Variants in BNC2 observed in about 807,000 individuals in gnomAD.
BNC2 encodes the protein basonuclin zinc finger protein 2.
BNC2 carries 20 observed loss-of-function variants against 76.3 expected under a neutral mutation model. That is an observed-to-expected ratio of 0.26 (90% CI 0.18 to 0.38). The LOEUF (loss-of-function observed/expected upper bound fraction) is 0.38, where lower values mean the gene tolerates loss of function less well. Among genes scored for constraint, BNC2 ranks in the 10% least tolerant of loss-of-function variants. The probability of loss-of-function intolerance (pLI) is 1.00; values close to 1 mark genes in which losing one functional copy is unlikely to be tolerated. For missense variants in BNC2, 1,382 were observed against 1,399.8 expected, an observed-to-expected ratio of 0.99 and a Z score of 0.20; for synonymous variants, 582 against 514.8, an observed-to-expected ratio of 1.13 and a Z score of -1.77.
In BNC2 at chr9:16,811,230, CA is replaced by C. The variant is rs58068661; in HGVS notation, c.3+59415del. ...AGAGCGAGACTTCGTCTCAAAAGAC[CA>C]AAAAAAAAAAAAACCAAAAAAACCA... On this transcript the variant is annotated intron_variant, in intron 1 of 6. Transcript: ENST00000380672. Among the ~76,000 whole-genome samples, 27 of 97,536 alleles carry C rather than the reference CA, an allele frequency of 2.8e-4. 1 individual carries two copies. The highest frequency in any genetic ancestry group is 3.5e-4 in the Non-Finnish European group (16 of 46,218). 64.0% of individuals were successfully genotyped at this position (97,536 alleles called of 152,430 possible). A position where few individuals can be genotyped will look rare whatever the true frequency, so the allele number is the denominator to read the frequency against.
chr9:16,844,148 T>TA (rs1818905018), intron 1 of BNC2, among the ~76,000 whole-genome samples: 1 of 151,674 alleles, frequency 6.6e-6, no homozygotes, highest in South Asian at 2.1e-4. Context: ...TCATAAGTTT[T>TA]TTTTTTTACG....
At chr9:16,826,366 G>C (rs906165371) in intron 1 of BNC2, among the ~76,000 whole-genome samples, 11 of 151,894 alleles carry the variant, frequency 7.2e-5, no homozygotes, top group Non-Finnish European at 1.5e-4. Context: ...CTGTCAGACT[G>C]TAACAAAAAC....
At chr9:16,634,193 A>C (rs921668072) in intron 3 of BNC2, among the ~76,000 whole-genome samples, 1 of 152,234 alleles carries the variant, frequency 6.6e-6, no homozygotes, top group Non-Finnish European at 1.5e-5. Context: ...GGACTTAGGT[A>C]TGCTATAGAA....
chr9:16,746,623 C>T lies in BNC2; in HGVS notation c.4-8138G>A, dbSNP rs549889686. Among the ~76,000 whole-genome samples the T allele has an allele frequency of 5.9e-5, 9 of 151,540 alleles. No homozygotes were observed. The East Asian group carries it at 1.6e-3, about 28-fold the overall frequency. ...CAAATGATCTGCCCTCCTCAGCCTCCCAAAGTGCTGGGATTGCAGGCGTGA... is the reference window on the plus strand; with the variant it reads ...CAAATGATCTGCCCTCCTCAGCCTCTCAAAGTGCTGGGATTGCAGGCGTGA... On this transcript the variant is annotated intron_variant, in intron 1 of 6. Coordinates refer to ENST00000380672, the MANE Select transcript of BNC2 (RefSeq NM_017637.6).
intron 5 of BNC2, among the ~76,000 whole-genome samples, chr9:16,542,875 C>T (rs1436969039): frequency 6.6e-6 from 1 of 152,146 alleles, no homozygotes; most frequent in Admixed American, 6.6e-5. Flanking sequence ...TTCTACTTTT[C>T]ACAGCCCTTC....
chr9:16,642,015 C>T (rs1821504313), intron 3 of BNC2, among the ~76,000 whole-genome samples: 1 of 152,106 alleles, frequency 6.6e-6, no homozygotes, highest in African/African-American at 2.4e-5. Context: ...CAGTAAACAC[C>T]CAATGCAGCA....
chr9:16,410,268 G>A lies in BNC2; in HGVS notation c.*8721C>T, dbSNP rs889013608. 6.6e-6 allele frequency: 1 copy of A among 152,270 alleles called. No individual in the cohort carries two copies. Among genetic ancestry groups the A allele is most frequent in the Non-Finnish European group, 1.5e-5 (1 of 68,100 alleles). 9.4% of individuals were successfully genotyped at this position (152,270 alleles called of 1,614,324 possible). On this transcript the variant is annotated 3_prime_UTR_variant, in exon 7 of 7. Coordinates refer to ENST00000380672, the MANE Select transcript of BNC2 (RefSeq NM_017637.6). ...GGACTTCATGGAAGAAGCCAGGCAA[G>A]GTGTGAGGGGAGAGGGGAAATGGGC...
chr9:16,864,058 T>A (rs1819477219), intron 1 of BNC2, among the ~76,000 whole-genome samples: 1 of 152,190 alleles, frequency 6.6e-6, no homozygotes. Flanking sequence ...TATTTTCCAA[T>A]ACAAAATTTA....
At chr9:16,496,779 A>G (rs1822399960) in intron 5 of BNC2, among the ~76,000 whole-genome samples, 1 of 152,238 alleles carries the variant, frequency 6.6e-6, no homozygotes, top group African/African-American at 2.4e-5. Context: ...CAAGCTCTTT[A>G]GAAGCCCAGG....
At chr9:16,549,820 C>T (rs1252278921) in intron 5 of BNC2, among the ~76,000 whole-genome samples, 1 of 151,818 alleles carries the variant, frequency 6.6e-6, no homozygotes, top group Non-Finnish European at 1.5e-5. Flanking sequence ...TGCTGAATGA[C>T]AAAAACCATC....
chr9:16,847,817 T>C (rs1470799856), intron 1 of BNC2, among the ~76,000 whole-genome samples: 6 of 152,194 alleles, frequency 3.9e-5, no homozygotes, highest in African/African-American at 1.4e-4. Context: ...CGGAGCAGCA[T>C]GTGCGGTAGA....
intron 1 of BNC2, among the ~76,000 whole-genome samples, chr9:16,823,726 A>G (rs1818391711): frequency 6.6e-6 from 1 of 152,166 alleles, no homozygotes; most frequent in African/African-American, 2.4e-5. Context: ...TCCAGGAATT[A>G]TTTCTTTTTT....
chr9:16,690,892 C>T (rs1167948500), intron 3 of BNC2, among the ~76,000 whole-genome samples: 2 of 152,190 alleles, frequency 1.3e-5, no homozygotes, highest in African/African-American at 4.8e-5. Context: ...AATGTCCTCA[C>T]AGCCACCAGG....
intron 5 of BNC2, among the ~76,000 whole-genome samples, chr9:16,453,793 G>C (rs1200918918): frequency 3.9e-5 from 6 of 152,304 alleles, no homozygotes; most frequent in Non-Finnish European, 7.3e-5. Context: ...CCGAGTGACA[G>C]AGTAGACTCC....
intron 3 of BNC2, among the ~76,000 whole-genome samples, chr9:16,656,851 A>T (rs558913937): frequency 6.6e-6 from 1 of 152,192 alleles, no homozygotes; most frequent in Non-Finnish European, 1.5e-5. Context: ...AATCTTTACA[A>T]GATTAGAGGC....
intron 3 of BNC2, among the ~76,000 whole-genome samples, chr9:16,682,322 G>A (rs1213317896): frequency 9.6e-6 from 1 of 103,904 alleles, no homozygotes; most frequent in African/African-American, 5.5e-5. Flanking sequence ...ATTTAAATCC[G>A]TTCATAGTGA....
At chr9:16,456,390 T>G (rs1821449278) in intron 5 of BNC2, among the ~76,000 whole-genome samples, 1 of 151,704 alleles carries the variant, frequency 6.6e-6, no homozygotes, top group South Asian at 2.1e-4. Context: ...AAAGTTTATG[T>G]GAGGTGAACA....
intron 3 of BNC2, among the ~76,000 whole-genome samples, chr9:16,608,825 T>C (rs1312581573): frequency 6.6e-6 from 1 of 152,210 alleles, no homozygotes; most frequent in Non-Finnish European, 1.5e-5. Flanking sequence ...CATGCAAACT[T>C]GAAATAGGCA....
At chr9:16,749,316 G>A (rs1002200084) in intron 1 of BNC2, among the ~76,000 whole-genome samples, 1 of 152,072 alleles carries the variant, frequency 6.6e-6, no homozygotes, top group Non-Finnish European at 1.5e-5. Flanking sequence ...AATATATCCA[G>A]GAACATACGT....
Sources: allele counts gnomAD v4.1 joint callset (sites outside exome capture counted in the v4.1 genomes callset), GRCh38; gene constraint gnomAD v4.1.1; transcripts MANE v1.5; gene names NCBI Gene and HGNC (gene_info 2026-07-23, HGNC 2026-07-21).